The following PEX13 variants were observed in gnomAD, a reference collection of about 807,000 sequenced individuals.
The protein encoded by PEX13 is peroxisome biogenesis factor 13.
Under a neutral mutation model 34.5 loss-of-function variants are expected in PEX13, and 28 were observed. That is an observed-to-expected ratio of 0.81 (90% confidence interval 0.60 to 1.11). The LOEUF is 1.11. Ranked by LOEUF, PEX13 falls within the 50% of genes most tolerant of loss-of-function variation. The probability of loss-of-function intolerance (pLI) is 0.00; values close to 1 mark genes in which losing one functional copy is unlikely to be tolerated. For synonymous variants in PEX13, 177 were observed against 175.1 expected, an observed-to-expected ratio of 1.01 and a Z score of -0.09; for missense variants, 550 against 491.0, an observed-to-expected ratio of 1.12 and a Z score of -1.13.
intron 1 of PEX13, chr2:61,018,261 AAGGTGTT>A: frequency 1.9e-6 from 3 of 1,551,060 alleles, no homozygotes; most frequent in Non-Finnish European, 2.6e-6. Flanking sequence ...TCTCTCCTTA[AAGGTGTT>A]AACCTCTCGA....
chr2:61,034,074 G>C (rs973342087), intron 2 of PEX13, among the ~76,000 whole-genome samples: 9 of 151,958 alleles, frequency 5.9e-5, no homozygotes, highest in African/African-American at 2.2e-4. Context: ...TCAGCTTACT[G>C]CAACCTCCAC....
At chr2:61,040,593 G>C (rs1032472950) in intron 2 of PEX13, among the ~76,000 whole-genome samples, 34 of 151,908 alleles carry the variant, frequency 2.2e-4, no homozygotes, top group Non-Finnish European at 4.7e-4. Context: ...TCAGGGGGTG[G>C]AGGGGCTTGG....
chr2:61,028,213 A>G (rs972142328), intron 1 of PEX13, among the ~76,000 whole-genome samples: 2 of 152,214 alleles, frequency 1.3e-5, no homozygotes, highest in Non-Finnish European at 2.9e-5. Context: ...CGCCTCCTAA[A>G]GTAATACTGT....
rs1680693964 is a variant in PEX13 at position 61,045,629 on chromosome 2, T to C, written c.788-97T>C. 71 of 1,088,602 alleles carry C rather than the reference T, an allele frequency of 6.5e-5. 2 individuals are homozygous for C. The South Asian group carries it at 8.9e-4, about 14-fold the overall frequency. The allele number at this position is 1,088,602 out of a possible 1,614,324, so 67.4% of individuals were successfully genotyped here. On this transcript the variant is annotated intron_variant, in intron 2 of 3. Transcript: ENST00000295030. ...TTTACTTGGGAGGGGAGGACTTTTC[T>C]CTTGGCAAATTTATGCAGTTTGCAA...
At chr2:61,045,692 A>C in intron 2 of PEX13, 34 bp from the exon 3 acceptor site, 5 of 1,605,132 alleles carry the variant, frequency 3.1e-6, no homozygotes, top group Non-Finnish European at 4.3e-6. Context: ...TTCTTTTGTA[A>C]ATTTTATTAA....
intron 2 of PEX13, among the ~76,000 whole-genome samples, chr2:61,044,493 TC>T (rs1278587271): frequency 6.6e-6 from 1 of 152,166 alleles, no homozygotes; most frequent in East Asian, 1.9e-4. Context: ...TCATGCAATT[TC>T]CCCTGTCTCA....
intron 1 of PEX13, among the ~76,000 whole-genome samples, chr2:61,025,018 A>G (rs1435254206): frequency 6.6e-6 from 1 of 152,062 alleles, no homozygotes; most frequent in Non-Finnish European, 1.5e-5. Context: ...TAATAACTCT[A>G]TTATCTAGAT....
At chr2:61,033,394 G>A (rs1476545504) in intron 2 of PEX13, among the ~76,000 whole-genome samples, 7 of 152,146 alleles carry the variant, frequency 4.6e-5, no homozygotes, top group African/African-American at 1.7e-4. Flanking sequence ...AAATCAAAAT[G>A]CCCTAGACCT....
intron 2 of PEX13, among the ~76,000 whole-genome samples, chr2:61,037,568 A>C (rs751775330): frequency 1.9e-4 from 29 of 152,228 alleles, no homozygotes; most frequent in Admixed American, 3.3e-4. Flanking sequence ...CAAACCAAGG[A>C]AAACAAAGAC....
At chr2:61,021,549 A>T (rs1335369206) in intron 1 of PEX13, among the ~76,000 whole-genome samples, 2 of 152,250 alleles carry the variant, frequency 1.3e-5, no homozygotes, top group Non-Finnish European at 2.9e-5. Flanking sequence ...ACTGCAGCTC[A>T]GCAAGGCCTA....
chr2:61,037,422 C>G (rs2104807363), intron 2 of PEX13, among the ~76,000 whole-genome samples: 1 of 152,300 alleles, frequency 6.6e-6, no homozygotes. Flanking sequence ...CAAACTGTCT[C>G]TCAGACCACA....
Position 61,049,851 on chromosome 2 carries a change from T to C in PEX13, c.*1081T>C, listed in dbSNP as rs1680766729. On this transcript the variant is annotated 3_prime_UTR_variant, in exon 4 of 4. Coordinates refer to ENST00000295030, the MANE Select transcript of PEX13 (RefSeq NM_002618.4). ...GTGAATCAGAAGTATATGAAAGGTA[T>C]ACTTTCTTTTCCTACAACAAATACT... 2 of 152,352 alleles carry C rather than the reference T, an allele frequency of 1.3e-5. No homozygotes were observed. Among genetic ancestry groups the C allele is most frequent in the South Asian group, 4.1e-4 (2 of 4,836 alleles). The allele number at this position is 152,352 out of a possible 1,614,324, so 9.4% of individuals were successfully genotyped here.
intron 2 of PEX13, among the ~76,000 whole-genome samples, chr2:61,042,159 T>C (rs573323513): frequency 6.6e-6 from 1 of 152,244 alleles, no homozygotes; most frequent in African/African-American, 2.4e-5. Flanking sequence ...GTGAAAATTA[T>C]ATAGAATTCA....
intron 3 of PEX13, among the ~76,000 whole-genome samples, chr2:61,047,826 A>G (rs1680727610): frequency 6.6e-6 from 1 of 152,246 alleles, no homozygotes; most frequent in Non-Finnish European, 1.5e-5. Context: ...GTAACAGTTA[A>G]GCAGCTTTTT....
rs1680112960 is a variant in PEX13 at position 61,017,832 on chromosome 2, G to C, written c.73G>C (p.Gly25Arg). 3 of 1,550,448 alleles carry C rather than the reference G, an allele frequency of 1.9e-6. No individual in the cohort carries two copies. In the South Asian group the frequency reaches 3.6e-5, roughly 18 times the overall value. ...AATTCCGGGAGCCGGACCGGGACCA[G>C]GACCGGGCCCCACTTTCCAGTGAGT... ...RRIPGAGPGP[G>R]PGPTFQSADL... Residue 25 changes from glycine (G) to arginine (R), a missense_variant, in exon 1 of 4, where the codon GGA (glycine) becomes CGA (arginine). By Grantham distance (125) the Gly-to-Arg change is moderately radical. Coordinates refer to ENST00000295030, the MANE Select transcript of PEX13 (RefSeq NM_002618.4).
At chr2:61,034,185 C>T (rs965920161) in intron 2 of PEX13, among the ~76,000 whole-genome samples, 3 of 152,012 alleles carry the variant, frequency 2.0e-5, no homozygotes, top group East Asian at 1.9e-4. Context: ...TTAGTAGAGA[C>T]GGGGTTTCAC....
chr2:61,040,300 G>T (rs551958387), intron 2 of PEX13, among the ~76,000 whole-genome samples: 1 of 152,144 alleles, frequency 6.6e-6, no homozygotes, highest in East Asian at 1.9e-4. Flanking sequence ...TGTTTATTGT[G>T]GCACTGTTCA....
chr2:61,017,729 T>C lies in PEX13; in HGVS notation c.-31T>C, dbSNP rs1283592074. The stretch of plus-strand genomic sequence containing the variant: ...CTACGCGGGCCTGGACAGTCAGGGG[T>C]AGGAGCGGGAGCCGAGAGGAGGCGG... On this transcript the variant is annotated 5_prime_UTR_variant, in exon 1 of 4. Transcript: ENST00000295030. 6.5e-7 allele frequency: 1 copy of C among 1,533,768 alleles called. No individual in the cohort carries two copies. The highest frequency in any genetic ancestry group is 2.4e-5 in the East Asian group (1 of 40,942).
At chr2:61,042,870 A>C (rs192876684) in intron 2 of PEX13, among the ~76,000 whole-genome samples, 1 of 152,230 alleles carries the variant, frequency 6.6e-6, no homozygotes, top group African/African-American at 2.4e-5. Context: ...AACATGGCCA[A>C]CTTAAAATAA....
Sources: allele counts gnomAD v4.1 joint callset (sites outside exome capture counted in the v4.1 genomes callset), GRCh38; gene constraint gnomAD v4.1.1; transcripts MANE v1.5; gene names NCBI Gene and HGNC (gene_info 2026-07-23, HGNC 2026-07-21).